Variants in SAMMSON observed in about 807,000 individuals in gnomAD.
SAMMSON encodes the protein long intergenic non-protein coding RNA 1212.
chr3:70,360,723 G>A (rs1171799656), intron 9 of SAMMSON, among the ~76,000 whole-genome samples: 1 of 152,074 alleles, frequency 6.6e-6, no homozygotes, highest in Admixed American at 6.6e-5. Context: ...ACTTCTCAGA[G>A]TAAGTTATGA....
At chr3:70,173,609 A>G (rs1037869313) in intron 4 of SAMMSON, among the ~76,000 whole-genome samples, 2 of 152,080 alleles carry the variant, frequency 1.3e-5, no homozygotes, top group Admixed American at 1.3e-4. Context: ...TGCTCAAACT[A>G]GATAATTTTT....
intron 3 of SAMMSON, chr3:70,070,197 G>A (rs1174210018): frequency 6.6e-6 from 1 of 151,996 alleles, no homozygotes; most frequent in Non-Finnish European, 1.5e-5. Context: ...GAGAGTTATA[G>A]TATGCCCTTC....
chr3:70,285,064 TTTA>T (rs1417673055), intron 6 of SAMMSON, among the ~76,000 whole-genome samples: 9 of 152,150 alleles, frequency 5.9e-5, no homozygotes, highest in African/African-American at 2.2e-4. Flanking sequence ...TTTTTTTTCT[TTTA>T]TTATTATACT....
intron 3 of SAMMSON, among the ~76,000 whole-genome samples, chr3:70,021,462 C>G (rs2067013085): frequency 6.6e-6 from 1 of 152,070 alleles, no homozygotes; most frequent in South Asian, 2.1e-4. Context: ...ACATCTGTGG[C>G]AAAATGAGGA....
chr3:70,167,535 G>A (rs1203407534), intron 4 of SAMMSON, among the ~76,000 whole-genome samples: 1 of 151,900 alleles, frequency 6.6e-6, no homozygotes, highest in Non-Finnish European at 1.5e-5. Context: ...TTTATCACTA[G>A]AAGGGAAGGT....
chr3:70,076,135 A>G (rs992862283), intron 4 of SAMMSON, among the ~76,000 whole-genome samples: 54 of 152,124 alleles, frequency 3.5e-4, no homozygotes, highest in African/African-American at 7.7e-4. Flanking sequence ...AAGTGTTAAC[A>G]TGTCATTTGT....
At chr3:70,412,101 G>T (rs1474558007) in intron 2 of SAMMSON, among the ~76,000 whole-genome samples, 3 of 152,100 alleles carry the variant, frequency 2.0e-5, no homozygotes, top group African/African-American at 4.8e-5. Context: ...ATGAGGGGAA[G>T]CTTTTAAAGG....
At chr3:70,327,198 A>C (rs145353270) in intron 7 of SAMMSON, among the ~76,000 whole-genome samples, 1,673 of 152,334 alleles carry the variant, frequency 0.011, 23 homozygotes, top group African/African-American at 0.037. Flanking sequence ...ACATCTATCA[A>C]ATATGTTATG....
At chr3:70,116,986 T>C (rs1249760865) in intron 4 of SAMMSON, among the ~76,000 whole-genome samples, 1 of 152,222 alleles carries the variant, frequency 6.6e-6, no homozygotes, top group African/African-American at 2.4e-5. Flanking sequence ...ATTAAGAGTT[T>C]TGAAGAAACG....
At chr3:70,289,647 C>G (rs1382801278) in intron 6 of SAMMSON, among the ~76,000 whole-genome samples, 5 of 151,678 alleles carry the variant, frequency 3.3e-5, no homozygotes, top group African/African-American at 1.2e-4. Context: ...TAATATCCTG[C>G]AGAGTGTTTT....
chr3:70,278,157 G>A (rs886389887), intron 6 of SAMMSON, among the ~76,000 whole-genome samples: 1 of 151,960 alleles, frequency 6.6e-6, no homozygotes, highest in Non-Finnish European at 1.5e-5. Context: ...TATTTTGCCT[G>A]TTCTTATATA....
intron 7 of SAMMSON, among the ~76,000 whole-genome samples, chr3:70,346,307 C>T (rs1029281220): frequency 2.8e-5 from 3 of 107,550 alleles, no homozygotes; most frequent in Admixed American, 1.1e-4. Flanking sequence ...ATCTTTTGCT[C>T]ATTGTTTTTT....
intron 6 of SAMMSON, among the ~76,000 whole-genome samples, chr3:70,268,520 T>A (rs1701945435): frequency 1.3e-5 from 2 of 151,732 alleles, no homozygotes; most frequent in Admixed American, 6.6e-5. Context: ...GGTGCATTTG[T>A]TACAATTGAT....
chr3:70,003,376 G>C (rs1032169680), intron 1 of SAMMSON, among the ~76,000 whole-genome samples: 1 of 151,786 alleles, frequency 6.6e-6, no homozygotes, highest in African/African-American at 2.4e-5. Context: ...TATCTATCTA[G>C]CCTATCCCCT....
intron 2 of SAMMSON, among the ~76,000 whole-genome samples, chr3:70,408,144 A>AG (rs1424319929): frequency 2.6e-5 from 4 of 152,328 alleles, no homozygotes; most frequent in Admixed American, 2.6e-4. Context: ...CACACAGCAC[A>AG]GGGACCCTGG....
chr3:70,183,838 A>C (rs757607057), intron 4 of SAMMSON: 4 of 152,232 alleles, frequency 2.6e-5, no homozygotes, highest in Non-Finnish European at 5.9e-5. Context: ...ATGAGAGCAC[A>C]GATATCTATT....
chr3:70,022,995 G>A (rs934848447), intron 3 of SAMMSON, among the ~76,000 whole-genome samples: 2 of 152,094 alleles, frequency 1.3e-5, no homozygotes, highest in African/African-American at 4.8e-5. Context: ...GAAGAATTGG[G>A]TCCAATTTTC....
At chr3:70,371,344 A>G (rs1242635647) in intron 9 of SAMMSON, among the ~76,000 whole-genome samples, 1 of 151,474 alleles carries the variant, frequency 6.6e-6, no homozygotes, top group Admixed American at 6.6e-5. Context: ...TTCTTTTTCC[A>G]TGAAAAATTA....
At chr3:70,106,934 G>A (rs772234651) in intron 4 of SAMMSON, among the ~76,000 whole-genome samples, 3 of 152,168 alleles carry the variant, frequency 2.0e-5, no homozygotes, top group Non-Finnish European at 4.4e-5. Flanking sequence ...AACAGCTCAC[G>A]TTGAATTGCA....
Sources: gnomAD v4.1 joint callset for allele counts (sites outside exome capture counted in the v4.1 genomes callset) on GRCh38, gnomAD v4.1.1 for gene constraint, MANE v1.5 for transcripts, NCBI Gene and HGNC (gene_info 2026-07-23, HGNC 2026-07-21) for gene names.